The following CHKA variants were observed in gnomAD, a reference collection of about 807,000 sequenced individuals.
The protein encoded by CHKA is CHETK-alpha.
A neutral mutation model predicts 60.1 loss-of-function variants in CHKA; 34 were observed. The observed-to-expected ratio is 0.57, with a 90% CI of 0.43 to 0.75. The LOEUF (loss-of-function observed/expected upper bound fraction) is 0.75, where lower values mean the gene tolerates loss of function less well. Among genes scored for constraint, CHKA ranks in the 30% least tolerant of loss-of-function variants. The probability of loss-of-function intolerance (pLI) is 0.00; values close to 1 mark genes in which losing one functional copy is unlikely to be tolerated. For missense variants in CHKA, 563 were observed against 561.3 expected (o/e 1.00, Z -0.03); for synonymous variants, 217 against 223.1 (o/e 0.97, Z 0.24).
intron 11 of CHKA, among the ~76,000 whole-genome samples, chr11:68,058,468 C>T (rs1856106003): frequency 6.6e-6 from 1 of 152,080 alleles, no homozygotes; most frequent in South Asian, 2.1e-4. Flanking sequence ...GTATCTTCTC[C>T]ATTTATTTCA....
At chr11:68,077,355 CTA>C (rs1856826685) in intron 3 of CHKA, among the ~76,000 whole-genome samples, 1 of 152,200 alleles carries the variant, frequency 6.6e-6, no homozygotes, top group South Asian at 2.1e-4. Context: ...CTTGTCATCA[CTA>C]TGTCTCCAGG....
At position 68,054,001 on chromosome 11, in the gene CHKA, TTCC is replaced by T. The variant is rs765206614; in HGVS notation, c.1358_1360del (p.Arg453del). On this transcript the variant is annotated inframe_deletion, in exon 12 of 12. Transcript: ENST00000265689. ...TCCTCCCCACAGTCACACCCCAAGCTTCCTCTTCTGGTGGAAATAGGCATCAAA... is the reference window on the plus strand; with the variant it reads ...TCCTCCCCACAGTCACACCCCAAGCTTCTTCTGGTGGAAATAGGCATCAAA... The T allele has an allele frequency of 3.1e-6, 5 of 1,613,634 alleles. No individual in the cohort carries two copies. The highest frequency in any genetic ancestry group is 4.2e-6 in the Non-Finnish European group (5 of 1,179,810).
intron 11 of CHKA, among the ~76,000 whole-genome samples, chr11:68,060,278 C>T (rs4506665): frequency 0.019 from 2,825 of 151,876 alleles, 328 homozygotes; most frequent in Admixed American, 0.17. Context: ...GTGATCCGCC[C>T]GCCTCGGCCT....
intron 1 of CHKA, among the ~76,000 whole-genome samples, chr11:68,114,120 G>A (rs978205064): frequency 2.0e-5 from 3 of 152,164 alleles, no homozygotes; most frequent in African/African-American, 7.2e-5. Context: ...ATTCACTGCT[G>A]GTAGGAATGC....
At chr11:68,088,842 C>T (rs570250631) in intron 2 of CHKA, among the ~76,000 whole-genome samples, 4 of 152,054 alleles carry the variant, frequency 2.6e-5, no homozygotes, top group Non-Finnish European at 5.9e-5. Context: ...CCACTATGCC[C>T]GGCCACTTTT....
intron 1 of CHKA, among the ~76,000 whole-genome samples, chr11:68,103,988 C>T (rs1857820603): frequency 6.6e-6 from 1 of 151,914 alleles, no homozygotes; most frequent in Non-Finnish European, 1.5e-5. Flanking sequence ...ACTGGTAATA[C>T]ATCCAGAGGA....
At chr11:68,073,824 G>A (rs531305106) in intron 4 of CHKA, among the ~76,000 whole-genome samples, 4 of 152,268 alleles carry the variant, frequency 2.6e-5, no homozygotes, top group Non-Finnish European at 4.4e-5. Flanking sequence ...GCCTCTCATG[G>A]ATAAGATATC....
At chr11:68,120,397 C>A (rs966384214) in intron 1 of CHKA, among the ~76,000 whole-genome samples, 3 of 152,148 alleles carry the variant, frequency 2.0e-5, no homozygotes, top group Admixed American at 2.0e-4. Flanking sequence ...CATCAAATCG[C>A]GAACTCGAAA....
At chr11:68,055,429 T>C (rs1855977064) in intron 11 of CHKA, among the ~76,000 whole-genome samples, 1 of 152,188 alleles carries the variant, frequency 6.6e-6, no homozygotes, top group Non-Finnish European at 1.5e-5. Flanking sequence ...TATGAGTGTT[T>C]GAGTGCAAGT....
intron 2 of CHKA, among the ~76,000 whole-genome samples, chr11:68,083,801 T>A (rs1857064424): frequency 1.3e-5 from 2 of 152,200 alleles, no homozygotes; most frequent in South Asian, 4.1e-4. Flanking sequence ...TTCTGCAATA[T>A]CCAGCCCTCT....
intron 1 of CHKA, among the ~76,000 whole-genome samples, chr11:68,118,263 G>A (rs867359687): frequency 8.5e-5 from 13 of 152,048 alleles, no homozygotes; most frequent in East Asian, 1.9e-4. Flanking sequence ...GCAACATGGC[G>A]AAACCCCATC....
chr11:68,053,308 G>C lies in CHKA; in HGVS notation c.*680C>G, dbSNP rs1855869940. 1 of 152,328 alleles carries C rather than the reference G, an allele frequency of 6.6e-6. No individual in the cohort carries two copies. Among genetic ancestry groups the C allele is most frequent in the African/African-American group, 2.4e-5 (1 of 41,438 alleles). The allele number at this position is 152,328 out of a possible 1,614,324, so 9.4% of individuals were successfully genotyped here. Reference sequence around the variant, plus strand: ...ACACTCCATCAGGAGGAAGGGCAGGGGAGAAGTCACATGCAGTACAGTGAA... The same window carrying C: ...ACACTCCATCAGGAGGAAGGGCAGGCGAGAAGTCACATGCAGTACAGTGAA... On this transcript the variant is annotated 3_prime_UTR_variant, in exon 12 of 12. Coordinates refer to ENST00000265689, the MANE Select transcript of CHKA (RefSeq NM_001277.3).
chr11:68,052,954 AAGTC>A lies in CHKA; in HGVS notation c.*1030_*1033del, dbSNP rs1446830035. On this transcript the variant is annotated 3_prime_UTR_variant, in exon 12 of 12. Transcript: ENST00000265689. ...TCAAATAAGAGTTCAGAGTAAAAAA[AAGTC>A]AGCTAAGACTGTATCCCGCAGGACA... The A allele has an allele frequency of 2.0e-5, 3 of 152,600 alleles. No individual in the cohort carries two copies. Among genetic ancestry groups the A allele is most frequent in the Non-Finnish European group, 4.4e-5 (3 of 68,028 alleles). 9.5% of individuals were successfully genotyped at this position (152,600 alleles called of 1,614,324 possible).
chr11:68,089,174 T>C (rs1857274663), intron 2 of CHKA, among the ~76,000 whole-genome samples: 1 of 152,186 alleles, frequency 6.6e-6, no homozygotes, highest in African/African-American at 2.4e-5. Flanking sequence ...GCCCAGGTTT[T>C]AAAAAGGCCT....
rs781158728 is a variant in CHKA at position 68,120,854 on chromosome 11, C to T, written c.324G>A (p.Glu108=). ...FLPGAWRGLR[E]DEFHISVIRG... ...TGATGACACTGATGTGGAACTCGTCCTCGCGGAGGCCCCGCCAGGCGCCGG... is the reference window on the plus strand; with the variant it reads ...TGATGACACTGATGTGGAACTCGTCTTCGCGGAGGCCCCGCCAGGCGCCGG... Residue 108 remains glutamate, a synonymous_variant, in exon 1 of 12, where the codon GAG becomes GAA. Coordinates refer to ENST00000265689, the MANE Select transcript of CHKA (RefSeq NM_001277.3). 3 of 1,346,170 alleles carry T rather than the reference C, an allele frequency of 2.2e-6. No individual in the cohort carries two copies. Among genetic ancestry groups the T allele is most frequent in the South Asian group, 2.9e-5 (2 of 67,950 alleles). The allele number at this position is 1,346,170 out of a possible 1,614,324, so 83.4% of individuals were successfully genotyped here. A position where few individuals can be genotyped will look rare whatever the true frequency, so the allele number is the denominator to read the frequency against.
At chr11:68,097,162 T>G in intron 1 of CHKA, 32 bp from the exon 2 acceptor site, 1 of 1,534,880 alleles carries the variant, frequency 6.5e-7, no homozygotes, top group Non-Finnish European at 9.0e-7. Flanking sequence ...TAAGTATCTT[T>G]ATTGCAGGTG....
chr11:68,084,256 A>T (rs1470827125), intron 2 of CHKA, among the ~76,000 whole-genome samples: 2 of 148,882 alleles, frequency 1.3e-5, no homozygotes, highest in African/African-American at 2.5e-5. Flanking sequence ...TCAAAAAAAA[A>T]AAAAAATACA....
intron 11 of CHKA, 70 bp from the exon 12 acceptor site, chr11:68,054,117 A>G: frequency 7.5e-7 from 1 of 1,330,668 alleles, no homozygotes; most frequent in Non-Finnish European, 1.1e-6. Context: ...TGTGTCCCCC[A>G]ATCCCCACCC....
chr11:68,118,272 T>A (rs769446955), intron 1 of CHKA, among the ~76,000 whole-genome samples: 5 of 151,966 alleles, frequency 3.3e-5, no homozygotes, highest in Admixed American at 3.3e-4. Flanking sequence ...CGAAACCCCA[T>A]CTCTACAAAA....
Sources: gnomAD v4.1 joint callset for allele counts (sites outside exome capture counted in the v4.1 genomes callset) on GRCh38, gnomAD v4.1.1 for gene constraint, MANE v1.5 for transcripts, NCBI Gene and HGNC (gene_info 2026-07-23, HGNC 2026-07-21) for gene names.